ABCD4: variants seen among roughly 807,000 people sequenced by gnomAD.
The protein encoded by ABCD4 is lysosomal cobalamin transporter ABCD4.
In ABCD4, 53 loss-of-function variants were observed where a neutral mutation model predicts 86.3. The ratio of observed to expected loss-of-function variants is 0.61; its 90% CI spans 0.49 to 0.77. ABCD4 has a LOEUF of 0.77. Ranked by LOEUF, ABCD4 falls within the 30% of genes least tolerant of loss-of-function variation. The probability of loss-of-function intolerance (pLI) is 0.00; values close to 1 mark genes in which losing one functional copy is unlikely to be tolerated. For missense variants in ABCD4, 757 were observed against 764.5 expected, an observed-to-expected ratio of 0.99 and a Z score of 0.12; for synonymous variants, 328 against 313.6, an observed-to-expected ratio of 1.05 and a Z score of -0.49.
rs749918984 is a variant in ABCD4, at chr14:74,300,118, C to CTCCCTCCT, written c.157+24_157+31dup. 8 of 1,316,336 alleles carry CTCCCTCCT rather than the reference C, an allele frequency of 6.1e-6. No individual in the cohort carries two copies. The Admixed American group carries it at 1.5e-4, about 25-fold the overall frequency. 81.5% of individuals were successfully genotyped at this position (1,316,336 alleles called of 1,614,324 possible). ...AAAGGGACCCCAAACCAGAGCTCCC[C>CTCCCTCCT]TCCCTCCTCTAGTCTGGGCTCACTC... On this transcript the variant is annotated intron_variant, in intron 2 of 18. Coordinates refer to ENST00000356924, the MANE Select transcript of ABCD4 (RefSeq NM_005050.4).
Position 74,289,645 on chromosome 14 carries a change from G to C in ABCD4, c.1420-126C>G, listed in dbSNP as rs1302154890. ...AGGAGAGGTGGGAACGCCTGGCCTG[G>C]GTCAGATGGGAGAGGCTCTGGCCGG... On this transcript the variant is annotated intron_variant, in intron 13 of 18. Transcript: ENST00000356924. The C allele has an allele frequency of 2.0e-6, 3 of 1,492,490 alleles. No homozygotes were observed. The Admixed American group carries it at 7.1e-5, about 35-fold the overall frequency. The allele number at this position is 1,492,490 out of a possible 1,614,324, so 92.5% of individuals were successfully genotyped here. A position where few individuals can be genotyped will look rare whatever the true frequency, so the allele number is the denominator to read the frequency against.
rs1372651125 is a variant in ABCD4, at chr14:74,296,414, C to T, written c.461G>A (p.Cys154Tyr). ...QRISQDVERF[C>Y]RQLSSMASKL... The stretch of plus-strand genomic sequence containing the variant: ...GCTGGCCATGCTGCTGAGCTGCCGG[C>T]AGAATCGCTCCACGTCCTGGCTGAT... The change falls in exon 5 of 19, where the codon TGC becomes TAC. Residue 154 changes from cysteine to tyrosine, a missense_variant. Coordinates refer to ENST00000356924, the MANE Select transcript of ABCD4 (RefSeq NM_005050.4). 1 of 1,614,100 alleles carries T rather than the reference C, an allele frequency of 6.2e-7. No individual in the cohort carries two copies. The highest frequency in any genetic ancestry group is 1.7e-5 in the Admixed American group (1 of 60,006).
At chr14:74,289,582 C>T in intron 13 of ABCD4, 63 bp from the exon 14 acceptor site, 1 of 1,593,372 alleles carries the variant, frequency 6.3e-7, no homozygotes, top group South Asian at 1.1e-5. Context: ...CTGCACACAG[C>T]CCACCCTCCC....
At chr14:74,293,928 G>A (rs1305334842) in intron 7 of ABCD4, 2 of 152,400 alleles carry the variant, frequency 1.3e-5, no homozygotes, top group East Asian at 3.9e-4. Context: ...TCGCTAGGCA[G>A]AAAAGGTGGA....
At chr14:74,299,712 G>A (rs777790987) in intron 2 of ABCD4, 37 bp from the exon 3 acceptor site, 3 of 1,591,126 alleles carry the variant, frequency 1.9e-6, no homozygotes, top group East Asian at 2.3e-5. Context: ...TCAGTGATGA[G>A]GGGTTAAAAA....
At chr14:74,288,320 T>A (rs527358226) in intron 15 of ABCD4, 61 bp from the exon 16 acceptor site, 3 of 1,523,422 alleles carry the variant, frequency 2.0e-6, no homozygotes, top group African/African-American at 1.4e-5. Context: ...CCTGCCATCA[T>A]GGGGAACCTC....
intron 13 of ABCD4, 190 bp downstream of exon 13, chr14:74,289,837 T>C (rs2080974415): frequency 2.1e-6 from 3 of 1,445,362 alleles, no homozygotes; most frequent in Non-Finnish European, 2.7e-6. Flanking sequence ...GGAGCTGCTA[T>C]GAGTAGTGGG....
Position 74,286,193 on chromosome 14 carries a change from G to A in ABCD4, c.*268C>T, listed in dbSNP as rs2079697487. The A allele has an allele frequency of 2.7e-6, 1 of 372,840 alleles. No individual in the cohort carries two copies. The highest frequency in any genetic ancestry group is 4.2e-5 in the Admixed American group (1 of 23,542). 23.1% of individuals were successfully genotyped at this position (372,840 alleles called of 1,614,324 possible). On this transcript the variant is annotated 3_prime_UTR_variant, in exon 19 of 19. Coordinates refer to ENST00000356924, the MANE Select transcript of ABCD4 (RefSeq NM_005050.4). ...TAGCAAACATGATCTGAAATCATTTGTAGGTAATCAGCACTTCAAGCATAT... is the reference window on the plus strand; with the variant it reads ...TAGCAAACATGATCTGAAATCATTTATAGGTAATCAGCACTTCAAGCATAT...
In ABCD4 at chr14:74,285,317, G is replaced by A. The variant is rs1029753301; in HGVS notation, c.*1144C>T. 3.9e-5 allele frequency: 6 copies of A among 152,114 alleles called. No homozygotes were observed. Among genetic ancestry groups the A allele is most frequent in the Non-Finnish European group, 7.4e-5 (5 of 68,010 alleles). The allele number at this position is 152,114 out of a possible 1,614,324, so 9.4% of individuals were successfully genotyped here. On this transcript the variant is annotated 3_prime_UTR_variant, in exon 19 of 19. Transcript: ENST00000356924. Reference sequence around the variant, plus strand: ...TATTAAGGAGAAAAATCTCAGTTGAGTGCCAGTCCGTCTAACTCCTCACCT... The same window carrying A: ...TATTAAGGAGAAAAATCTCAGTTGAATGCCAGTCCGTCTAACTCCTCACCT...
At chr14:74,300,338 C>T in intron 1 of ABCD4, 70 bp from the exon 2 acceptor site, 2 of 1,004,208 alleles carry the variant, frequency 2.0e-6, no homozygotes, top group Non-Finnish European at 3.2e-6. Flanking sequence ...AGTTATTAAG[C>T]TCATCCACAT....
intron 1 of ABCD4, among the ~76,000 whole-genome samples, chr14:74,302,074 G>T (rs1233220990): frequency 1.3e-5 from 2 of 152,178 alleles, no homozygotes; most frequent in Non-Finnish European, 2.9e-5. Flanking sequence ...CCATTCCAAA[G>T]AACAATCCAG....
Position 74,298,158 on chromosome 14 carries a change from C to T in ABCD4, c.286-89G>A, listed in dbSNP as rs572365652. 41 of 1,528,880 alleles carry T rather than the reference C, an allele frequency of 2.7e-5. No individual in the cohort carries two copies. The African/African-American group carries it at 5.1e-4, about 19-fold the overall frequency. The allele number at this position is 1,528,880 out of a possible 1,614,324, so 94.7% of individuals were successfully genotyped here. On this transcript the variant is annotated intron_variant, in intron 3 of 18. Coordinates refer to ENST00000356924, the MANE Select transcript of ABCD4 (RefSeq NM_005050.4). ...CAAGGCTCGCAAGAGCCTCCGCTGA[C>T]CCATCCCAGCCCACTCTGACTCTGA...
chr14:74,289,588 C>A, intron 13 of ABCD4, 69 bp from the exon 14 acceptor site: 1 of 1,587,440 alleles, frequency 6.3e-7, no homozygotes, highest in Non-Finnish European at 8.6e-7. Context: ...ACAGCCCACC[C>A]TCCCTCCAGA....
rs370265675 is a variant in ABCD4, at chr14:74,296,006, G to C, written c.543-27C>G. On this transcript the variant is annotated intron_variant, in intron 5 of 18. Transcript: ENST00000356924. Reference sequence around the variant, plus strand: ...TGAAATAGAGAGAGAGGGAGAGAAGGGAGAGGGTGTGGGGTGCCACCTATC... The same window carrying C: ...TGAAATAGAGAGAGAGGGAGAGAAGCGAGAGGGTGTGGGGTGCCACCTATC... 4.4e-6 allele frequency: 7 copies of C among 1,580,972 alleles called. No homozygotes were observed. In the African/African-American group the frequency reaches 9.8e-5, roughly 22 times the overall value.
In ABCD4 at chr14:74,292,342, A is replaced by C; in HGVS notation, c.1063T>G (p.Ser355Ala). 15 of 1,614,122 alleles carry C rather than the reference A, an allele frequency of 9.3e-6. No homozygotes were observed. The highest frequency in any genetic ancestry group is 1.3e-5 in the Non-Finnish European group (15 of 1,180,032). The change falls in exon 11 of 19, where the codon TCC becomes GCC. Residue 355 changes from serine (S) to alanine (A), a missense_variant. Transcript: ENST00000356924. ...GQLRETLLDM[S>A]LKSQDCEILG... ...ATCTCGCAGTCCTGTGACTTCAGGGACATGTCCAGAAGCGTCTCCCGAAGC... is the reference window on the plus strand; with the variant it reads ...ATCTCGCAGTCCTGTGACTTCAGGGCCATGTCCAGAAGCGTCTCCCGAAGC...
chr14:74,292,075 G>C lies in ABCD4; in HGVS notation c.1118+212C>G, dbSNP rs7158376. The stretch of plus-strand genomic sequence containing the variant: ...CTCAGGCAGAAGGTGTGTGTACTTT[G>C]CTTCCACTGGCCGGGGAATGGTGTA... On this transcript the variant is annotated intron_variant, in intron 11 of 18. Transcript: ENST00000356924. Among the ~76,000 whole-genome samples the C allele has an allele frequency of 0.065, 9,844 of 152,188 alleles. 1,075 individuals are homozygous for C. Among genetic ancestry groups the C allele is most frequent in the African/African-American group, 0.23 (9,331 of 41,458 alleles).
At position 74,286,769 on chromosome 14, in the gene ABCD4, G is replaced by A. The variant is rs746372602; in HGVS notation, c.1684C>T (p.Leu562Phe). The change falls in exon 18 of 19, where the codon CTC (leucine) becomes TTC (phenylalanine). Residue 562 changes from leucine (L) to phenylalanine (F), a missense_variant. Coordinates refer to ENST00000356924, the MANE Select transcript of ABCD4 (RefSeq NM_005050.4). ...SALTEEVESE[L>F]YRIGQQLGMT... ...CCCAGCTGCTGGCCGATGCGATAGA[G>A]CTCGCTCTCCACTTCCTCTGTCAGG... 3.7e-6 allele frequency: 6 copies of A among 1,614,110 alleles called. No homozygotes were observed. Among genetic ancestry groups the A allele is most frequent in the Non-Finnish European group, 4.2e-6 (5 of 1,180,034 alleles).
In ABCD4 at chr14:74,288,227, G is replaced by A. The variant is rs201456625; in HGVS notation, c.1539C>T (p.Asp513=). The A allele has an allele frequency of 3.2e-5, 52 of 1,612,198 alleles. No individual in the cohort carries two copies. The African/African-American group carries it at 6.5e-4, about 20-fold the overall frequency. The part of the protein sequence containing the change: ...SNLVARTEGL[D]QQVDWNWYDV... ...CTTACCAGTTCCAGTCCACCTGCTG[G>A]TCCAGGCCCTCTGTCCTTGCCACCA... Residue 513 remains aspartate (D), a synonymous_variant, in exon 16 of 19, where the codon GAC becomes GAT. Coordinates refer to ENST00000356924, the MANE Select transcript of ABCD4 (RefSeq NM_005050.4).
chr14:74,302,920 G>C lies in ABCD4; in HGVS notation c.-8C>G. 5 of 1,607,518 alleles carry C rather than the reference G, an allele frequency of 3.1e-6. No individual in the cohort carries two copies. Among genetic ancestry groups the C allele is most frequent in the Non-Finnish European group, 4.2e-6 (5 of 1,177,328 alleles). On this transcript the variant is annotated 5_prime_UTR_variant, in exon 1 of 19. Transcript: ENST00000356924. ...GGGCCCCGCGACCGCCATGACCTGA[G>C]ACCCGAGGGACTCTGGAGCCCAGCT...
Sources: allele counts gnomAD v4.1 joint callset (sites outside exome capture counted in the v4.1 genomes callset), GRCh38; gene constraint gnomAD v4.1.1; transcripts MANE v1.5; gene names NCBI Gene and HGNC (gene_info 2026-07-23, HGNC 2026-07-21).